Variants in ADGRG5 observed in about 807,000 individuals in gnomAD.
The protein encoded by ADGRG5 is G protein-coupled receptor 114.
Under a neutral mutation model 53.2 loss-of-function variants are expected in ADGRG5, and 37 were observed. The observed-to-expected ratio is 0.70, with a 90% CI of 0.53 to 0.91. ADGRG5 has a LOEUF of 0.91. ADGRG5 is among the 40% of genes least tolerant of loss of function. The pLI is 0.00. For missense variants in ADGRG5, 614 were observed against 675.8 expected (o/e 0.91, Z 1.01); for synonymous variants, 277 against 290.4 (o/e 0.95, Z 0.47).
chr16:57,544,976 C>T (rs972257763), intron 1 of ADGRG5, among the ~76,000 whole-genome samples: 2 of 151,996 alleles, frequency 1.3e-5, no homozygotes. Context: ...TGGGGTCTCC[C>T]TATGTTACTC....
chr16:57,573,271 A>G (rs1235961989), intron 10 of ADGRG5, among the ~76,000 whole-genome samples: 12 of 151,946 alleles, frequency 7.9e-5, no homozygotes, highest in Admixed American at 3.3e-4. Flanking sequence ...GTCTTTACTA[A>G]AAATACACAA....
chr16:57,562,525 G>A, intron 3 of ADGRG5, 66 bp downstream of exon 3: 5 of 1,066,312 alleles, frequency 4.7e-6, no homozygotes, highest in Non-Finnish European at 7.0e-6. Context: ...TTAGTCTAAT[G>A]TAGACTCTTA....
Position 57,568,124 on chromosome 16 carries a change from G to C in ADGRG5, c.1090G>C (p.Gly364Arg), listed in dbSNP as rs1318477124. 3 of 1,613,656 alleles carry C rather than the reference G, an allele frequency of 1.9e-6. No individual in the cohort carries two copies. The Admixed American group carries it at 5.0e-5, about 27-fold the overall frequency. Residue 364 changes from glycine to arginine, a missense_variant and splice_region_variant, in exon 9 of 12, where the codon GGG (glycine) becomes CGG (arginine). Gly to Arg is a moderately radical substitution (Grantham distance 125, BLOSUM62 -2). Coordinates refer to ENST00000349457, the MANE Select transcript of ADGRG5 (RefSeq NM_001304376.3). The stretch of plus-strand genomic sequence containing the variant: ...GTTCAAGCTTGGTGTGCTAGGCTGG[G>C]GTAAGCACATCATCTCTCCTCGCCT... Reference protein sequence around the residue: ...YVFKLGVLGWGAPALLVLLSL... With the variant: ...YVFKLGVLGWRAPALLVLLSL...
chr16:57,535,985 G>A, the ADGRG5 span, among the ~76,000 whole-genome samples: 2 of 152,300 alleles, frequency 1.3e-5, no homozygotes, highest in East Asian at 1.9e-4. Flanking sequence ...CGCTGGCCCT[G>A]CGAACCGCCC....
chr16:57,538,385 G>T (rs1274422458), upstream of ADGRG5, among the ~76,000 whole-genome samples: 1 of 152,106 alleles, frequency 6.6e-6, no homozygotes, highest in Non-Finnish European at 1.5e-5. Context: ...CGGGAGGATC[G>T]CCTGAGGCCG....
the ADGRG5 span, among the ~76,000 whole-genome samples, chr16:57,531,342 C>T: frequency 6.6e-5 from 10 of 151,876 alleles, no homozygotes; most frequent in Non-Finnish European, 1.3e-4. Context: ...CTGAAATCTG[C>T]CTTCTTTCCT....
chr16:57,536,132 C>G, the ADGRG5 span, among the ~76,000 whole-genome samples: 12 of 152,154 alleles, frequency 7.9e-5, no homozygotes, highest in African/African-American at 2.7e-4. Flanking sequence ...TGGCCAGCGC[C>G]GCCCGTCCAT....
intron 1 of ADGRG5, among the ~76,000 whole-genome samples, 187 bp from the exon 2 acceptor site, chr16:57,561,869 A>C (rs560706972): frequency 6.6e-6 from 1 of 152,202 alleles, no homozygotes; most frequent in South Asian, 2.1e-4. Context: ...AGTCTTAGAG[A>C]CCTGGCTTTA....
chr16:57,541,204 G>T (rs1818387300), upstream of ADGRG5, among the ~76,000 whole-genome samples: 1 of 152,192 alleles, frequency 6.6e-6, no homozygotes. Flanking sequence ...GCACAGTGAG[G>T]CTGGTACAGA....
intron 1 of ADGRG5, chr16:57,543,037 G>T (rs1012870578): frequency 1.3e-5 from 2 of 152,284 alleles, no homozygotes; most frequent in Non-Finnish European, 2.9e-5. Context: ...AATGGGGTGA[G>T]TCTGGGAACC....
At chr16:57,563,760 G>T in intron 4 of ADGRG5, 88 bp from the exon 5 acceptor site, 5 of 1,552,718 alleles carry the variant, frequency 3.2e-6, no homozygotes, top group South Asian at 1.1e-5. Context: ...CCCAAGGAAG[G>T]TTTCACGGGG....
chr16:57,569,597 TCTC>T (rs1445582512), intron 9 of ADGRG5, among the ~76,000 whole-genome samples: 1 of 111,444 alleles, frequency 9.0e-6, no homozygotes, highest in Non-Finnish European at 1.9e-5. Context: ...GCCTCCTCCA[TCTC>T]CTCCACCTCT....
At chr16:57,543,169 C>A (rs1450194473) in intron 1 of ADGRG5, 1 of 151,680 alleles carries the variant, frequency 6.6e-6, no homozygotes, top group East Asian at 1.9e-4. Flanking sequence ...GACAGCATGT[C>A]TCAGGTAAAT....
chr16:57,564,889 T>C (rs760417904), intron 5 of ADGRG5, 145 bp from the exon 6 acceptor site: 1 of 621,708 alleles, frequency 1.6e-6, no homozygotes, highest in Non-Finnish European at 2.9e-6. Context: ...CTGGGAAGGC[T>C]GGGAGGCTGG....
rs549423963 is a variant in ADGRG5, at chr16:57,567,879, G to T, written c.845G>T (p.Arg282Leu). The T allele has an allele frequency of 6.2e-7, 1 of 1,611,434 alleles. No homozygotes were observed. The part of the protein sequence containing the change: ...HFRKQSDSLT[R>L]IHMNLHASVL... ...AGGAAGCAGAGTGACTCCTTAACAC[G>T]CATCCACATGAACCTGCATGCCTCC... The change falls in exon 9 of 12, where the codon CGC becomes CTC. Residue 282 changes from arginine to leucine, a missense_variant. Coordinates refer to ENST00000349457, the MANE Select transcript of ADGRG5 (RefSeq NM_001304376.3).
At chr16:57,535,149 G>A in the ADGRG5 span, among the ~76,000 whole-genome samples, 1 of 152,236 alleles carries the variant, frequency 6.6e-6, no homozygotes, top group East Asian at 1.9e-4. Context: ...GATTGAATAA[G>A]TGCAGGGCCC....
Position 57,576,796 on chromosome 16 carries a change from G to C in ADGRG5, c.*1258G>C, listed in dbSNP as rs1245186313. The C allele has an allele frequency of 2.6e-5, 4 of 152,238 alleles. No individual in the cohort carries two copies. Among genetic ancestry groups the C allele is most frequent in the South Asian group, 4.1e-4 (2 of 4,836 alleles). The allele number at this position is 152,238 out of a possible 1,614,324, so 9.4% of individuals were successfully genotyped here. A position where few individuals can be genotyped will look rare whatever the true frequency, so the allele number is the denominator to read the frequency against. ...TGGGGGCTGCACCCCAGACATAGCT[G>C]GCACCAGAGCAGGGTGCTCAGGTGG... On this transcript the variant is annotated 3_prime_UTR_variant, in exon 12 of 12. Coordinates refer to ENST00000349457, the MANE Select transcript of ADGRG5 (RefSeq NM_001304376.3).
chr16:57,546,624 T>A (rs769217301), intron 1 of ADGRG5, among the ~76,000 whole-genome samples: 8 of 152,262 alleles, frequency 5.3e-5, no homozygotes, highest in Non-Finnish European at 1.2e-4. Context: ...AAATAATTTT[T>A]ATGTAATAAA....
At chr16:57,537,035 T>C in the ADGRG5 span, among the ~76,000 whole-genome samples, 2 of 151,810 alleles carry the variant, frequency 1.3e-5, no homozygotes, top group Non-Finnish European at 2.9e-5. Flanking sequence ...GGCCTCAGTT[T>C]CTCTTTCTGT....
Sources: allele counts gnomAD v4.1 joint callset (sites outside exome capture counted in the v4.1 genomes callset), GRCh38; gene constraint gnomAD v4.1.1; transcripts MANE v1.5; gene names NCBI Gene and HGNC (gene_info 2026-07-23, HGNC 2026-07-21).